Variants in PPARGC1A observed in about 807,000 individuals in gnomAD.
PPARGC1A encodes the protein peroxisome proliferator-activated receptor gamma coactivator 1-alpha.
In PPARGC1A, 25 loss-of-function variants were observed where a neutral mutation model predicts 88.7. That is an observed-to-expected ratio of 0.28 (90% CI 0.21 to 0.39). The LOEUF is 0.39. Ranked by LOEUF, PPARGC1A falls within the 10% of genes least tolerant of loss-of-function variation. The pLI is 1.00. For synonymous variants in PPARGC1A, 363 were observed against 355.6 expected (o/e 1.02, Z -0.24); for missense variants, 880 against 968.7 (o/e 0.91, Z 1.22).
chr4:24,027,227 C>CTG, the PPARGC1A span, among the ~76,000 whole-genome samples: 9,449 of 132,702 alleles, frequency 0.071, 358 homozygotes, highest in African/African-American at 0.086. Context: ...GTCTGTGTGT[C>CTG]TGTGTGTGTC....
At chr4:24,221,955 A>C in the PPARGC1A span, among the ~76,000 whole-genome samples, 7 of 152,118 alleles carry the variant, frequency 4.6e-5, no homozygotes, top group Admixed American at 2.0e-4. Context: ...CAGCATTTGG[A>C]ATGTTAATTT....
chr4:24,424,102 T>C, the PPARGC1A span, among the ~76,000 whole-genome samples: 9 of 152,214 alleles, frequency 5.9e-5, no homozygotes, highest in Middle Eastern at 3.4e-3. Flanking sequence ...GACAAAAATA[T>C]TCTAAAAAAT....
At chr4:24,136,466 G>A in the PPARGC1A span, among the ~76,000 whole-genome samples, 6,558 of 152,208 alleles carry the variant, frequency 0.043, 206 homozygotes, top group Non-Finnish European at 0.068. Flanking sequence ...AACCCTCTCC[G>A]AAAGTCACGA....
the PPARGC1A span, among the ~76,000 whole-genome samples, chr4:24,382,834 C>T: frequency 6.6e-6 from 1 of 152,330 alleles, no homozygotes; most frequent in Non-Finnish European, 1.5e-5. Context: ...AACGTTCCTG[C>T]TGCTGGCTCT....
At chr4:23,866,176 A>G (rs1192244441) in intron 2 of PPARGC1A, 1 of 152,210 alleles carries the variant, frequency 6.6e-6, no homozygotes, top group Non-Finnish European at 1.5e-5. Flanking sequence ...TAAATTACAC[A>G]CTGCAAAGTC....
the PPARGC1A span, among the ~76,000 whole-genome samples, chr4:24,045,316 C>T: frequency 6.6e-6 from 1 of 152,170 alleles, no homozygotes; most frequent in African/African-American, 2.4e-5. Flanking sequence ...AGATACACCA[C>T]CCTATCTCTG....
chr4:24,109,339 A>T, the PPARGC1A span, among the ~76,000 whole-genome samples: 716 of 143,602 alleles, frequency 5.0e-3, 4 homozygotes, highest in Non-Finnish European at 8.5e-3. Flanking sequence ...ACACACACAC[A>T]CTTTTATTCG....
At chr4:24,341,037 C>T in the PPARGC1A span, among the ~76,000 whole-genome samples, 1 of 152,104 alleles carries the variant, frequency 6.6e-6, no homozygotes, top group Non-Finnish European at 1.5e-5. Context: ...CACCCAAGAA[C>T]TTTCATTCTG....
the PPARGC1A span, among the ~76,000 whole-genome samples, chr4:24,036,434 T>C: frequency 6.6e-6 from 1 of 152,182 alleles, no homozygotes; most frequent in Non-Finnish European, 1.5e-5. Context: ...CCGAAGCTCA[T>C]GTATGAACAT....
At chr4:23,887,139 G>T (rs112215652) in intron 1 of PPARGC1A, among the ~76,000 whole-genome samples, 1 of 152,144 alleles carries the variant, frequency 6.6e-6, no homozygotes, top group South Asian at 2.1e-4. Context: ...AGGTCAATTT[G>T]TTGTATTGGT....
the PPARGC1A span, among the ~76,000 whole-genome samples, chr4:23,993,357 A>C: frequency 2.0e-5 from 3 of 152,166 alleles, no homozygotes; most frequent in African/African-American, 7.2e-5. Context: ...TGACAAATGA[A>C]GACAGAGTAG....
At chr4:24,050,959 GGGCA>G in the PPARGC1A span, among the ~76,000 whole-genome samples, 1 of 152,006 alleles carries the variant, frequency 6.6e-6, no homozygotes, top group Non-Finnish European at 1.5e-5. Flanking sequence ...AGGCCAAGGT[GGGCA>G]GATCATGAGG....
chr4:24,352,460 T>C, the PPARGC1A span, among the ~76,000 whole-genome samples: 3 of 152,148 alleles, frequency 2.0e-5, no homozygotes, highest in Non-Finnish European at 2.9e-5. Flanking sequence ...CTAGCTGTCA[T>C]TCAACATCCC....
chr4:24,214,075 G>C, the PPARGC1A span, among the ~76,000 whole-genome samples: 1 of 152,282 alleles, frequency 6.6e-6, no homozygotes, highest in South Asian at 2.1e-4. Flanking sequence ...TGAGGCAAAA[G>C]CACAATTTCC....
chr4:24,395,154 T>G, the PPARGC1A span, among the ~76,000 whole-genome samples: 881 of 152,302 alleles, frequency 5.8e-3, 22 homozygotes, highest in African/African-American at 0.02. Context: ...TGTAGCATCT[T>G]CTTTGTATTT....
chr4:23,857,445 G>A (rs1463297864), intron 2 of PPARGC1A, among the ~76,000 whole-genome samples: 1 of 150,080 alleles, frequency 6.7e-6, no homozygotes, highest in Non-Finnish European at 1.5e-5. Context: ...ATCTGCATAT[G>A]CATACAGATA....
the PPARGC1A span, among the ~76,000 whole-genome samples, chr4:24,468,474 A>T: frequency 1.3e-5 from 2 of 152,178 alleles, no homozygotes; most frequent in Admixed American, 1.3e-4. Flanking sequence ...GCACATTGGC[A>T]AGTGGGTGCA....
chr4:24,294,320 G>C, the PPARGC1A span, among the ~76,000 whole-genome samples: 8 of 151,986 alleles, frequency 5.3e-5, no homozygotes, highest in Non-Finnish European at 1.0e-4. Context: ...ATAATGTTTC[G>C]ATGTCCATTA....
chr4:23,890,278 G>A (rs1187186499), upstream of PPARGC1A: 1 of 297,664 alleles, frequency 3.4e-6, no homozygotes, highest in East Asian at 7.0e-5. Context: ...TTAGACTTTT[G>A]GAGGCTTCAA....
Sources: gnomAD v4.1 joint callset for allele counts (sites outside exome capture counted in the v4.1 genomes callset) on GRCh38, gnomAD v4.1.1 for gene constraint, MANE v1.5 for transcripts, NCBI Gene and HGNC (gene_info 2026-07-23, HGNC 2026-07-21) for gene names.